ZNF382: variants seen among roughly 807,000 people sequenced by gnomAD.
ZNF382 encodes KRAB/zinc finger suppressor protein 1.
A neutral mutation model predicts 38.8 loss-of-function variants in ZNF382; 20 were observed. The observed-to-expected ratio is 0.51, with a 90% CI of 0.36 to 0.75. The LOEUF (loss-of-function observed/expected upper bound fraction) is 0.75. Among genes scored for constraint, ZNF382 ranks in the 30% least tolerant of loss-of-function variants. The pLI, the probability that ZNF382 is intolerant of heterozygous loss-of-function variation, is 0.00. For synonymous variants in ZNF382, 202 were observed against 223.1 expected (o/e 0.91, Z 0.84); for missense variants, 546 against 654.1 (o/e 0.83, Z 1.80).
rs1210469799 is a variant in ZNF382, at chr19:36,607,565, T to C, written c.-71T>C. 59 of 1,533,540 alleles carry C rather than the reference T, an allele frequency of 3.8e-5. No individual in the cohort carries two copies. Among genetic ancestry groups the C allele is most frequent in the Non-Finnish European group, 5.2e-5 (59 of 1,145,434 alleles). 95.0% of individuals were successfully genotyped at this position (1,533,540 alleles called of 1,614,324 possible). A position where few individuals can be genotyped will look rare whatever the true frequency, so the allele number is the denominator to read the frequency against. On this transcript the variant is annotated 5_prime_UTR_variant, in exon 2 of 5. Transcript: ENST00000292928. ...TTGCTTTCTCAGGACTGTTTCTTTT[T>C]CCAAAAGAGGAGCTCAAAAGAGAAA...
rs1470541428 is a variant in ZNF382 at position 36,627,619 on chromosome 19, C to T, written c.*69C>T. 6.7e-6 allele frequency: 8 copies of T among 1,191,052 alleles called. No individual in the cohort carries two copies. Among genetic ancestry groups the T allele is most frequent in the South Asian group, 5.7e-5 (4 of 70,590 alleles). 73.8% of individuals were successfully genotyped at this position (1,191,052 alleles called of 1,614,324 possible). A position where few individuals can be genotyped will look rare whatever the true frequency, so the allele number is the denominator to read the frequency against. ...CCCTGTAGATGATGTTGCTTGCAAG[C>T]GTAATATCCAACAGTTTAAGGTACT... On this transcript the variant is annotated 3_prime_UTR_variant, in exon 5 of 5. Coordinates refer to ENST00000292928, the MANE Select transcript of ZNF382 (RefSeq NM_032825.5).
chr19:36,623,471 C>T (rs1234513), intron 4 of ZNF382, among the ~76,000 whole-genome samples: 6,501 of 151,970 alleles, frequency 0.043, 456 homozygotes, highest in African/African-American at 0.15. Flanking sequence ...TTCAGACAGA[C>T]GGGATACTGA....
At chr19:36,616,999 G>T (rs2037130901) in intron 4 of ZNF382, among the ~76,000 whole-genome samples, 1 of 152,084 alleles carries the variant, frequency 6.6e-6, no homozygotes, top group Non-Finnish European at 1.5e-5. Context: ...GAGGAAGGAG[G>T]AGTGGAGCAG....
At chr19:36,606,310 AATT>A (rs2037024979) in intron 1 of ZNF382, among the ~76,000 whole-genome samples, 7 of 101,756 alleles carry the variant, frequency 6.9e-5, no homozygotes, top group South Asian at 6.3e-4. Flanking sequence ...ACATGCAGGA[AATT>A]TTTTTTTTTT....
chr19:36,607,637 CCT>C lies in ZNF382; in HGVS notation c.-14+20_-14+21del. Reference sequence around the variant, plus strand: ...CCATGTCTCAGGTGAGATGATGTTTCCTCTCTTTCTGAAATAACTTTTTTTCA... The same window carrying C: ...CCATGTCTCAGGTGAGATGATGTTTCCTCTTTCTGAAATAACTTTTTTTCA... On this transcript the variant is annotated intron_variant, in intron 2 of 4. Transcript: ENST00000292928. 6.6e-7 allele frequency: 1 copy of C among 1,517,338 alleles called. No homozygotes were observed. Among genetic ancestry groups the C allele is most frequent in the Non-Finnish European group, 8.8e-7 (1 of 1,140,668 alleles). 94.0% of individuals were successfully genotyped at this position (1,517,338 alleles called of 1,614,324 possible). A position where few individuals can be genotyped will look rare whatever the true frequency, so the allele number is the denominator to read the frequency against.
chr19:36,626,759 A>C lies in ZNF382; in HGVS notation c.862A>C (p.Arg288=). The change falls in exon 5 of 5, where the codon AGA becomes CGA. Residue 288 remains arginine, a synonymous_variant. Coordinates refer to ENST00000292928, the MANE Select transcript of ZNF382 (RefSeq NM_032825.5). ...CRKPVFIMPQ[R]PQTEEKPFHC... Reference sequence around the variant, plus strand: ...AAAGCCTGTTTTTATTATGCCTCAGAGACCTCAAACAGAAGAGAAACCCTT... The same window carrying C: ...AAAGCCTGTTTTTATTATGCCTCAGCGACCTCAAACAGAAGAGAAACCCTT... The C allele has an allele frequency of 1.2e-6, 2 of 1,614,240 alleles. No individual in the cohort carries two copies. Among genetic ancestry groups the C allele is most frequent in the Non-Finnish European group, 1.7e-6 (2 of 1,180,052 alleles).
chr19:36,628,069 A>G lies in ZNF382; in HGVS notation c.*519A>G, dbSNP rs1330547801. 1 of 154,464 alleles carries G rather than the reference A, an allele frequency of 6.5e-6. No individual in the cohort carries two copies. Among genetic ancestry groups the G allele is most frequent in the Non-Finnish European group, 1.4e-5 (1 of 69,490 alleles). 9.6% of individuals were successfully genotyped at this position (154,464 alleles called of 1,614,324 possible). ...TAAACCTTTCTATAAATTGGATTATATATCATGTATTCTTTCATATACAGC... is the reference window on the plus strand; with the variant it reads ...TAAACCTTTCTATAAATTGGATTATGTATCATGTATTCTTTCATATACAGC... On this transcript the variant is annotated 3_prime_UTR_variant, in exon 5 of 5. Transcript: ENST00000292928.
rs958994574 is a variant in ZNF382 at position 36,631,143 on chromosome 19, A to G, written c.*3593A>G. ...GCATTGCATCACTTAATAGGGATAC[A>G]TTCTGAGAAATGCATCATGAGGCAG... On this transcript the variant is annotated 3_prime_UTR_variant, in exon 5 of 5. Transcript: ENST00000292928. 1 of 152,100 alleles carries G rather than the reference A, an allele frequency of 6.6e-6. No homozygotes were observed. Among genetic ancestry groups the G allele is most frequent in the Non-Finnish European group, 1.5e-5 (1 of 68,026 alleles). The allele number at this position is 152,100 out of a possible 1,614,324, so 9.4% of individuals were successfully genotyped here. A position where few individuals can be genotyped will look rare whatever the true frequency, so the allele number is the denominator to read the frequency against.
Position 36,626,549 on chromosome 19 carries a change from G to A in ZNF382, c.652G>A (p.Glu218Lys). 6.2e-7 allele frequency: 1 copy of A among 1,613,288 alleles called. No individual in the cohort carries two copies. The highest frequency in any genetic ancestry group is 8.5e-7 in the Non-Finnish European group (1 of 1,179,834). The change falls in exon 5 of 5, where the codon GAA becomes AAA. Residue 218 changes from glutamate (E) to lysine (K), a missense_variant. Coordinates refer to ENST00000292928, the MANE Select transcript of ZNF382 (RefSeq NM_032825.5). ...PEQPFDHNEC[E>K]KSFLMKGMLF... ...GCAACCATTTGACCATAATGAATGT[G>A]AAAAATCCTTCCTGATGAAAGGAAT...
At chr19:36,608,264 A>G (rs1255449005) in intron 2 of ZNF382, among the ~76,000 whole-genome samples, 2 of 152,268 alleles carry the variant, frequency 1.3e-5, no homozygotes, top group East Asian at 3.9e-4. Context: ...AACACGTTTT[A>G]TGTTCCTCCT....
chr19:36,612,748 C>T (rs2037088449), intron 4 of ZNF382, among the ~76,000 whole-genome samples: 1 of 152,082 alleles, frequency 6.6e-6, no homozygotes, highest in Non-Finnish European at 1.5e-5. Context: ...CATTTTATAT[C>T]AGAGGCATCT....
rs748147772 is a variant in ZNF382, at chr19:36,626,233, G to A, written c.336G>A (p.Glu112=). Residue 112 remains glutamate, a synonymous_variant, in exon 5 of 5, where the codon GAG becomes GAA. Transcript: ENST00000292928. Reference sequence around the variant, plus strand: ...TCAACCACAAAAAACTAATTAAGGAGAGAAGTAATATTTATGGTAAAACAT... The same window carrying A: ...TCAACCACAAAAAACTAATTAAGGAAAGAAGTAATATTTATGGTAAAACAT... ...IFINHKKLIK[E]RSNIYGKTFT... The A allele has an allele frequency of 1.6e-5, 26 of 1,607,506 alleles. No individual in the cohort carries two copies. The South Asian group carries it at 2.9e-4, about 18-fold the overall frequency.
In ZNF382 at chr19:36,628,865, G is replaced by T. The variant is rs1184584095; in HGVS notation, c.*1315G>T. 2 of 152,062 alleles carry T rather than the reference G, an allele frequency of 1.3e-5. No homozygotes were observed. Among genetic ancestry groups the T allele is most frequent in the Non-Finnish European group, 2.9e-5 (2 of 67,988 alleles). The allele number at this position is 152,062 out of a possible 1,614,324, so 9.4% of individuals were successfully genotyped here. A position where few individuals can be genotyped will look rare whatever the true frequency, so the allele number is the denominator to read the frequency against. On this transcript the variant is annotated 3_prime_UTR_variant, in exon 5 of 5. Transcript: ENST00000292928. ...TGAGAACTCTTCAAATGAAATGATTGTAAGAATGACTTTAACTGTTGCTCA... is the reference window on the plus strand; with the variant it reads ...TGAGAACTCTTCAAATGAAATGATTTTAAGAATGACTTTAACTGTTGCTCA...
At chr19:36,606,311 AT>A (rs71171460) in intron 1 of ZNF382, among the ~76,000 whole-genome samples, 1,959 of 138,694 alleles carry the variant, frequency 0.014, 24 homozygotes, top group Admixed American at 0.039. Flanking sequence ...CATGCAGGAA[AT>A]TTTTTTTTTT....
In ZNF382 at chr19:36,627,691, C is replaced by T. The variant is rs973893680; in HGVS notation, c.*141C>T. On this transcript the variant is annotated 3_prime_UTR_variant, in exon 5 of 5. Transcript: ENST00000292928. Reference sequence around the variant, plus strand: ...TTTGCCAGCCTGTAAAACACACACACACACACACACACACACACAAATATT... The same window carrying T: ...TTTGCCAGCCTGTAAAACACACACATACACACACACACACACACAAATATT... 2 of 559,082 alleles carry T rather than the reference C, an allele frequency of 3.6e-6. No homozygotes were observed. Among genetic ancestry groups the T allele is most frequent in the Admixed American group, 3.2e-5 (1 of 31,020 alleles). The allele number at this position is 559,082 out of a possible 1,614,324, so 34.6% of individuals were successfully genotyped here. A position where few individuals can be genotyped will look rare whatever the true frequency, so the allele number is the denominator to read the frequency against.
At chr19:36,610,481 G>A in intron 3 of ZNF382, 169 bp from the exon 4 acceptor site, 1 of 489,518 alleles carries the variant, frequency 2.0e-6, no homozygotes, top group Non-Finnish European at 3.6e-6. Flanking sequence ...GAAAAGGAAA[G>A]AAAGAAAAGA....
intron 4 of ZNF382, among the ~76,000 whole-genome samples, chr19:36,623,355 A>G (rs2037184297): frequency 6.6e-6 from 1 of 152,162 alleles, no homozygotes; most frequent in African/African-American, 2.4e-5. Context: ...GGAAAGCAAT[A>G]CTGTATTATC....
Position 36,626,971 on chromosome 19 carries a change from G to A in ZNF382, c.1074G>A (p.Gly358=), listed in dbSNP as rs764921340. ...AACCCTTTATTTGTATCGATTGTGG[G>A]AAGTCCTTCCGCCAGAAGGCCACCC... ...EGKPFICIDC[G]KSFRQKATLT... Residue 358 remains glycine (G), a synonymous_variant, in exon 5 of 5, where the codon GGG becomes GGA. Coordinates refer to ENST00000292928, the MANE Select transcript of ZNF382 (RefSeq NM_032825.5). The A allele has an allele frequency of 1.2e-6, 2 of 1,614,172 alleles. No homozygotes were observed. Among genetic ancestry groups the A allele is most frequent in the Non-Finnish European group, 1.7e-6 (2 of 1,180,024 alleles).
intron 4 of ZNF382, among the ~76,000 whole-genome samples, chr19:36,614,914 C>CTTTCCTTTCCTTTCCTTTCCTTTCCT (rs752527955): frequency 1.1e-5 from 1 of 90,788 alleles, no homozygotes. Flanking sequence ...CTTTCCTTTC[C>CTTTCCTTTCCTTTCCTTTCCTTTCCT]TTCCCTTTCC....
Sources: allele counts gnomAD v4.1 joint callset (sites outside exome capture counted in the v4.1 genomes callset), GRCh38; gene constraint gnomAD v4.1.1; transcripts MANE v1.5; gene names NCBI Gene and HGNC (gene_info 2026-07-23, HGNC 2026-07-21).